The following MALRD1 variants were observed in gnomAD, a reference collection of about 807,000 sequenced individuals.
The protein encoded by MALRD1 is MAM and LDL receptor class A domain containing 1, also known as MAM and LDL-receptor class A domain-containing protein 1.
A neutral mutation model predicts 242.1 loss-of-function variants in MALRD1; 247 were observed. That is an observed-to-expected ratio of 1.02 (90% CI 0.92 to 1.13). The LOEUF (loss-of-function observed/expected upper bound fraction) is 1.13. Among genes scored for constraint, MALRD1 ranks in the 50% most tolerant of loss-of-function variants. MALRD1 has a pLI of 0.00. For synonymous variants in MALRD1, 995 were observed against 866.6 expected (o/e 1.15, Z -2.60); for missense variants, 2,989 against 2,533.1 (o/e 1.18, Z -3.86).
intron 34 of MALRD1, among the ~76,000 whole-genome samples, chr10:19,596,155 G>A (rs1307141586): frequency 6.6e-6 from 1 of 152,148 alleles, no homozygotes; most frequent in South Asian, 2.1e-4. Context: ...TTGATTTTTA[G>A]TATAATTAGC....
intron 19 of MALRD1, among the ~76,000 whole-genome samples, chr10:19,276,556 A>G (rs1490260264): frequency 6.6e-6 from 1 of 152,184 alleles, no homozygotes; most frequent in East Asian, 1.9e-4. Context: ...TTATTTGAAA[A>G]TAATTTTTCA....
At chr10:19,574,500 A>C (rs1836708636) in intron 33 of MALRD1, among the ~76,000 whole-genome samples, 1 of 152,174 alleles carries the variant, frequency 6.6e-6, no homozygotes, top group Non-Finnish European at 1.5e-5. Context: ...GATCGCGAAC[A>C]AGAGACAGGC....
At chr10:19,505,124 T>A (rs572849536) in intron 31 of MALRD1, among the ~76,000 whole-genome samples, 1 of 150,980 alleles carries the variant, frequency 6.6e-6, no homozygotes, top group Admixed American at 6.6e-5. Flanking sequence ...AGAGGTAGAG[T>A]AGGAGGAAGA....
chr10:19,388,823 C>A (rs1225190974), intron 27 of MALRD1, among the ~76,000 whole-genome samples: 3 of 150,702 alleles, frequency 2.0e-5, no homozygotes, highest in African/African-American at 7.3e-5. Context: ...GACCCTGAAT[C>A]CCTGGATGCT....
intron 33 of MALRD1, among the ~76,000 whole-genome samples, chr10:19,583,273 G>A (rs1410850145): frequency 1.6e-4 from 23 of 148,230 alleles, no homozygotes; most frequent in African/African-American, 9.9e-5. Context: ...GAATAGGAGT[G>A]GTGAGAGAGG....
intron 7 of MALRD1, 114 bp from the exon 8 acceptor site, chr10:19,128,107 A>C: frequency 1.5e-6 from 1 of 651,570 alleles, no homozygotes; most frequent in Non-Finnish European, 2.2e-6. Context: ...CCTTTTAAGT[A>C]AAATATTTGT....
chr10:19,480,174 G>A (rs1836931894), intron 29 of MALRD1, among the ~76,000 whole-genome samples: 1 of 152,222 alleles, frequency 6.6e-6, no homozygotes, highest in Non-Finnish European at 1.5e-5. Flanking sequence ...TGAGTCAGGA[G>A]TAGAGAATGA....
At chr10:19,175,405 T>A (rs1175983524) in intron 14 of MALRD1, 77 bp downstream of exon 14, 2 of 1,108,782 alleles carry the variant, frequency 1.8e-6, no homozygotes, top group Non-Finnish European at 2.2e-6. Flanking sequence ...TAAAATGTAT[T>A]AGAGTCACGA....
intron 24 of MALRD1, among the ~76,000 whole-genome samples, chr10:19,334,795 C>G (rs1252694184): frequency 6.6e-6 from 1 of 151,994 alleles, no homozygotes; most frequent in African/African-American, 2.4e-5. Context: ...TTGTCATTTT[C>G]CCTTAAATAT....
At chr10:19,638,982 T>C (rs1449211633) in intron 36 of MALRD1, among the ~76,000 whole-genome samples, 1 of 152,014 alleles carries the variant, frequency 6.6e-6, no homozygotes, top group East Asian at 1.9e-4. Flanking sequence ...TCGGGGTTGT[T>C]TGGGGGTGGG....
intron 26 of MALRD1, among the ~76,000 whole-genome samples, chr10:19,364,232 G>A (rs183854325): frequency 1.3e-5 from 2 of 152,192 alleles, no homozygotes; most frequent in East Asian, 3.9e-4. Context: ...GTAGCACCTA[G>A]CAATATAATT....
intron 21 of MALRD1, among the ~76,000 whole-genome samples, chr10:19,322,468 G>A (rs116613570): frequency 0.02 from 3,115 of 152,106 alleles, 57 homozygotes; most frequent in African/African-American, 0.037. Context: ...ATATAAATGG[G>A]CCAGGTACTG....
At chr10:19,685,381 C>G (rs566870426) in intron 36 of MALRD1, among the ~76,000 whole-genome samples, 26 of 152,186 alleles carry the variant, frequency 1.7e-4, no homozygotes, top group African/African-American at 6.0e-4. Context: ...GTATCTTGTA[C>G]ATAGTAGATG....
At chr10:19,699,872 A>G (rs561261117) in intron 38 of MALRD1, among the ~76,000 whole-genome samples, 20 of 152,238 alleles carry the variant, frequency 1.3e-4, no homozygotes, top group Non-Finnish European at 2.6e-4. Flanking sequence ...CTCCCATGAC[A>G]CAAACACCTC....
chr10:19,072,278 G>T (rs961560723), intron 2 of MALRD1, among the ~76,000 whole-genome samples: 3 of 151,970 alleles, frequency 2.0e-5, no homozygotes, highest in African/African-American at 7.2e-5. Context: ...GGCTTTTTGG[G>T]CCATATGGTC....
chr10:19,677,145 T>C (rs1842170762), intron 36 of MALRD1, among the ~76,000 whole-genome samples: 1 of 152,228 alleles, frequency 6.6e-6, no homozygotes, highest in African/African-American at 2.4e-5. Context: ...CGTATCTTTA[T>C]AATAGAATGA....
At chr10:19,100,817 A>G (rs1384414902) in intron 4 of MALRD1, among the ~76,000 whole-genome samples, 1 of 152,080 alleles carries the variant, frequency 6.6e-6, no homozygotes, top group Admixed American at 6.6e-5. Context: ...AGTGTGGAGA[A>G]AAAAAACCAG....
At chr10:19,124,771 A>C in intron 7 of MALRD1, 101 bp downstream of exon 7, 1 of 950,092 alleles carries the variant, frequency 1.1e-6, no homozygotes, top group Non-Finnish European at 1.4e-6. Flanking sequence ...GAATATACTG[A>C]GTATATTTTA....
At chr10:19,109,844 C>G (rs920680456) in intron 5 of MALRD1, among the ~76,000 whole-genome samples, 3 of 152,222 alleles carry the variant, frequency 2.0e-5, no homozygotes, top group African/African-American at 7.2e-5. Context: ...ATGTCAACTT[C>G]TGGCAGTGAC....
Sources: gnomAD v4.1 joint callset for allele counts (sites outside exome capture counted in the v4.1 genomes callset) on GRCh38, gnomAD v4.1.1 for gene constraint, MANE v1.5 for transcripts, NCBI Gene and HGNC (gene_info 2026-07-23, HGNC 2026-07-21) for gene names.